Variants in KDSR observed in about 807,000 individuals in gnomAD.
KDSR encodes the protein 3-dehydrosphinganine reductase.
KDSR carries 23 observed loss-of-function variants against 41.3 expected under a neutral mutation model. That is an observed-to-expected ratio of 0.56 (90% CI 0.40 to 0.79). KDSR has a LOEUF of 0.79. Among genes scored for constraint, KDSR ranks in the 30% least tolerant of loss-of-function variants. The pLI is 0.00. For missense variants in KDSR, 351 were observed against 416.8 expected, an observed-to-expected ratio of 0.84 and a Z score of 1.37; for synonymous variants, 138 against 151.7, an observed-to-expected ratio of 0.91 and a Z score of 0.66.
At chr18:63,362,130 G>T (rs1391091993) in intron 2 of KDSR, among the ~76,000 whole-genome samples, 2 of 152,184 alleles carry the variant, frequency 1.3e-5, no homozygotes, top group African/African-American at 4.8e-5. Context: ...CCAGCTGTGT[G>T]GTCACTTTCC....
At position 63,338,917 on chromosome 18, in the gene KDSR, A is replaced by G. The variant is rs764080131; in HGVS notation, c.694-34T>C. 7.7e-6 allele frequency: 9 copies of G among 1,168,084 alleles called. No individual in the cohort carries two copies. The East Asian group carries it at 2.0e-4, about 25-fold the overall frequency. 72.4% of individuals were successfully genotyped at this position (1,168,084 alleles called of 1,614,324 possible). ...GGAAAAACATGTACATAACAATATC[A>G]TGATTGCCCATTACATTAAAAATAA... On this transcript the variant is annotated intron_variant, in intron 7 of 9. Coordinates refer to ENST00000645214, the MANE Select transcript of KDSR (RefSeq NM_002035.4).
At chr18:63,337,507 C>T (rs193207708) in intron 8 of KDSR, among the ~76,000 whole-genome samples, 49 of 152,142 alleles carry the variant, frequency 3.2e-4, no homozygotes, top group Non-Finnish European at 6.0e-4. Flanking sequence ...TGTAAATAAA[C>T]AAAAGTTCTC....
Position 63,351,074 on chromosome 18 carries a change from T to C in KDSR, c.423A>G (p.Leu141=), listed in dbSNP as rs756650943. Residue 141 remains leucine (L), a synonymous_variant, in exon 6 of 10, where the codon TTA becomes TTG. Coordinates refer to ENST00000645214, the MANE Select transcript of KDSR (RefSeq NM_002035.4). The stretch of plus-strand genomic sequence containing the variant: ...CGCTGCCCAGGTAATTGATGCTCAT[T>C]AACCTCTGCAGGGAACAAAGAGGCC... ...EDLEVSTFER[L]MSINYLGSVY... 1.2e-6 allele frequency: 2 copies of C among 1,612,974 alleles called. No individual in the cohort carries two copies.
In KDSR at chr18:63,361,209, C is replaced by CAAAAAA. The variant is rs71162630; in HGVS notation, c.199-1423_199-1418dup. The stretch of plus-strand genomic sequence containing the variant: ...TGGGTTACAGAGCAAAACTCCGTCT[C>CAAAAAA]AAAAAAAAAAAAAAAAAAAAAAAAA... On this transcript the variant is annotated intron_variant, in intron 2 of 9. Transcript: ENST00000645214. Among the ~76,000 whole-genome samples the CAAAAAA allele has an allele frequency of 6.4e-3, 100 of 15,518 alleles. 6 individuals are homozygous for CAAAAAA. Among genetic ancestry groups the CAAAAAA allele is most frequent in the Non-Finnish European group, 9.2e-3 (64 of 6,972 alleles). The allele number at this position is 15,518 out of a possible 152,430, so 10.2% of individuals were successfully genotyped here.
Position 63,355,227 on chromosome 18 carries a change from C to T in KDSR, c.394G>A (p.Asp132Asn). ...ACTTCAAAGGTACTAACTTCAAGAT[C>T]TTCAAATTTTCCTGACACTGCCATT... is the stretch of plus-strand genomic sequence containing the variant. Reference protein sequence around the residue: ...AGMAVSGKFEDLEVSTFERLM... With the variant: ...AGMAVSGKFENLEVSTFERLM... Residue 132 changes from aspartate to asparagine, a missense_variant, in exon 5 of 10, where the codon GAT (aspartate) becomes AAT (asparagine). Transcript: ENST00000645214. 1 of 1,613,798 alleles carries T rather than the reference C, an allele frequency of 6.2e-7. No homozygotes were observed. The highest frequency in any genetic ancestry group is 8.5e-7 in the Non-Finnish European group (1 of 1,179,680).
intron 7 of KDSR, among the ~76,000 whole-genome samples, chr18:63,340,334 A>T (rs576333139): frequency 3.3e-5 from 5 of 152,376 alleles, no homozygotes; most frequent in East Asian, 3.9e-4. Flanking sequence ...AGTAATTTTT[A>T]AAAAGGCAGA....
chr18:63,331,690 A>G lies in KDSR; in HGVS notation c.*92T>C, dbSNP rs1914005257. The G allele has an allele frequency of 3.9e-5, 50 of 1,276,240 alleles. 1 individual carries two copies. In the South Asian group the frequency reaches 6.3e-4, roughly 16 times the overall value. 79.1% of individuals were successfully genotyped at this position (1,276,240 alleles called of 1,614,324 possible). A position where few individuals can be genotyped will look rare whatever the true frequency, so the allele number is the denominator to read the frequency against. ...CCAATCTGACGTATTCGAAAACAAT[A>G]CATAAGTGTCTATAGGCCAAAAATT... On this transcript the variant is annotated 3_prime_UTR_variant, in exon 10 of 10. Transcript: ENST00000645214.
intron 8 of KDSR, among the ~76,000 whole-genome samples, chr18:63,337,128 A>C (rs1283682659): frequency 1.4e-4 from 18 of 130,714 alleles, no homozygotes; most frequent in Non-Finnish European, 2.3e-4. Flanking sequence ...ATATATATAT[A>C]TATATATATG....
At chr18:63,352,784 A>G (rs370635866) in intron 5 of KDSR, among the ~76,000 whole-genome samples, 20 of 152,232 alleles carry the variant, frequency 1.3e-4, no homozygotes, top group East Asian at 1.2e-3. Context: ...AAGGAAATAC[A>G]GAAGATCATA....
intron 6 of KDSR, among the ~76,000 whole-genome samples, chr18:63,349,333 T>A (rs945313907): frequency 6.6e-6 from 1 of 152,096 alleles, no homozygotes; most frequent in Admixed American, 6.6e-5. Context: ...CAGTGAGCTA[T>A]GATTGTGCCA....
chr18:63,361,236 A>G (rs1376708099), intron 2 of KDSR, among the ~76,000 whole-genome samples: 1 of 137,560 alleles, frequency 7.3e-6, no homozygotes, highest in African/African-American at 2.7e-5. Flanking sequence ...AAAAAAAAAA[A>G]AGAATGAATT....
chr18:63,331,230 G>A lies in KDSR; in HGVS notation c.*552C>T, dbSNP rs140982758. 367 of 232,792 alleles carry A rather than the reference G, an allele frequency of 1.6e-3. 6 individuals are homozygous for A. In the East Asian group the frequency reaches 0.022, roughly 14 times the overall value. 14.4% of individuals were successfully genotyped at this position (232,792 alleles called of 1,614,324 possible). On this transcript the variant is annotated 3_prime_UTR_variant, in exon 10 of 10. Coordinates refer to ENST00000645214, the MANE Select transcript of KDSR (RefSeq NM_002035.4). Reference sequence around the variant, plus strand: ...TGACATTCAGACTCACTGGCAATGGGTCCAACTCATCTTGAATAAAATACA... The same window carrying A: ...TGACATTCAGACTCACTGGCAATGGATCCAACTCATCTTGAATAAAATACA...
chr18:63,361,863 C>T (rs746626885), intron 2 of KDSR, among the ~76,000 whole-genome samples: 12 of 152,148 alleles, frequency 7.9e-5, no homozygotes, highest in Non-Finnish European at 1.8e-4. Context: ...AAGACTAAGT[C>T]TGCGACATTA....
chr18:63,349,887 T>A (rs1461833727), intron 6 of KDSR, among the ~76,000 whole-genome samples: 1 of 152,256 alleles, frequency 6.6e-6, no homozygotes, highest in East Asian at 1.9e-4. Flanking sequence ...CTTAAGTAGC[T>A]GTATTAGGCA....
chr18:63,357,866 C>A (rs1051861307), intron 3 of KDSR, among the ~76,000 whole-genome samples: 2 of 151,976 alleles, frequency 1.3e-5, no homozygotes, highest in Non-Finnish European at 1.5e-5. Flanking sequence ...CATGAGCCAC[C>A]GCACCTGGCC....
intron 1 of KDSR, among the ~76,000 whole-genome samples, chr18:63,363,895 G>A (rs1456044941): frequency 6.6e-6 from 1 of 152,128 alleles, no homozygotes; most frequent in Non-Finnish European, 1.5e-5. Context: ...GAAGATCTCT[G>A]ACTCCATGTT....
At position 63,351,038 on chromosome 18, in the gene KDSR, G is replaced by A; in HGVS notation, c.459C>T (p.Ser153=). The change falls in exon 6 of 10, where the codon AGC becomes AGT. Residue 153 remains serine (S), a synonymous_variant. Coordinates refer to ENST00000645214, the MANE Select transcript of KDSR (RefSeq NM_002035.4). The part of the protein sequence containing the change: ...SINYLGSVYP[S]RAVITTMKER... ...CCTTCATGGTGGTGATCACGGCCCG[G>A]CTGGGGTACACGCTGCCCAGGTAAT... 1 of 1,614,070 alleles carries A rather than the reference G, an allele frequency of 6.2e-7. No homozygotes were observed.
chr18:63,345,522 C>T (rs1402018549), intron 6 of KDSR: 1 of 152,040 alleles, frequency 6.6e-6, no homozygotes, highest in Non-Finnish European at 1.5e-5. Flanking sequence ...ACTTTTTTGT[C>T]CCTAGGAAAC....
chr18:63,355,359 A>T, intron 4 of KDSR, 60 bp from the exon 5 acceptor site: 1 of 1,603,290 alleles, frequency 6.2e-7, no homozygotes, highest in Non-Finnish European at 8.5e-7. Flanking sequence ...CTCAGCAGCA[A>T]ATCCATGCTG....
Sources: allele counts gnomAD v4.1 joint callset (sites outside exome capture counted in the v4.1 genomes callset), GRCh38; gene constraint gnomAD v4.1.1; transcripts MANE v1.5; gene names NCBI Gene and HGNC (gene_info 2026-07-23, HGNC 2026-07-21).